Variants in TRIO observed in about 807,000 individuals in gnomAD.
TRIO encodes the protein trio Rho guanine nucleotide exchange factor, also known as triple functional domain protein.
TRIO carries 58 observed loss-of-function variants against 351.9 expected under a neutral mutation model. The observed-to-expected ratio is 0.16, with a 90% CI of 0.13 to 0.21. The LOEUF is 0.21. Ranked by LOEUF, TRIO falls within the 10% of genes least tolerant of loss-of-function variation. TRIO has a pLI of 1.00. For missense variants in TRIO, 3,201 were observed against 4,027.8 expected (o/e 0.79, Z 5.56); for synonymous variants, 1,758 against 1,595.7 (o/e 1.10, Z -2.42).
At chr5:14,150,441 G>T (rs1203946519) in intron 1 of TRIO, among the ~76,000 whole-genome samples, 2 of 151,458 alleles carry the variant, frequency 1.3e-5, no homozygotes, top group Non-Finnish European at 2.9e-5. Context: ...CACACACACC[G>T]TTTAACTGTA....
intron 32 of TRIO, 50 bp from the exon 33 acceptor site, chr5:14,406,523 G>T: frequency 1.3e-6 from 2 of 1,572,768 alleles, no homozygotes; most frequent in South Asian, 2.2e-5. Context: ...CTTCTCCAGT[G>T]ACTGCCAGCT....
At chr5:14,414,850 T>A (rs1478095789) in intron 33 of TRIO, among the ~76,000 whole-genome samples, 6 of 152,208 alleles carry the variant, frequency 3.9e-5, no homozygotes, top group Non-Finnish European at 7.3e-5. Context: ...TTAGAACAGC[T>A]GCTGATCAGC....
chr5:14,225,983 C>A (rs1365527361), intron 1 of TRIO, among the ~76,000 whole-genome samples: 1 of 152,124 alleles, frequency 6.6e-6, no homozygotes, highest in Admixed American at 6.5e-5. Context: ...TGAGTTCCGC[C>A]GTGGCAGGGC....
At chr5:14,199,863 C>T (rs973160096) in intron 1 of TRIO, among the ~76,000 whole-genome samples, 11 of 152,176 alleles carry the variant, frequency 7.2e-5, no homozygotes, top group African/African-American at 2.7e-4. Flanking sequence ...TATTCCAAGA[C>T]AGGGAGTTGG....
intron 1 of TRIO, among the ~76,000 whole-genome samples, chr5:14,215,920 C>T (rs1022682250): frequency 1.3e-5 from 2 of 152,182 alleles, no homozygotes; most frequent in African/African-American, 2.4e-5. Flanking sequence ...ATTAAGAACT[C>T]GTGTTCTGGA....
chr5:14,391,709 T>G (rs1175158953), intron 27 of TRIO, among the ~76,000 whole-genome samples: 1 of 152,256 alleles, frequency 6.6e-6, no homozygotes, highest in Non-Finnish European at 1.5e-5. Flanking sequence ...GTTTGGTGCA[T>G]AAGGTTGTGA....
In TRIO at chr5:14,387,621, T is replaced by A. The variant is rs1443100763; in HGVS notation, c.3754T>A (p.Ser1252Thr). The A allele has an allele frequency of 4.3e-6, 7 of 1,611,380 alleles. No homozygotes were observed. The South Asian group carries it at 7.7e-5, about 18-fold the overall frequency. Residue 1252 changes from serine (S) to threonine (T), a missense_variant, in exon 22 of 57, where the codon TCC becomes ACC. Transcript: ENST00000344204. ...LEKALGISSD[S>T]NKSSKSLQLD... ...AAAAGCCCTGGGGATTTCTTCAGAT[T>A]CCAACAAATCGGTAAATGGCCTTGT...
chr5:14,154,562 G>T (rs988298390), intron 1 of TRIO, among the ~76,000 whole-genome samples: 2 of 152,126 alleles, frequency 1.3e-5, no homozygotes, highest in Non-Finnish European at 2.9e-5. Context: ...GCTGTTCTGT[G>T]TGTGGGTTGC....
In TRIO at chr5:14,425,866, G is replaced by A. The variant is rs80025087; in HGVS notation, c.5203+5845G>A. Among the ~76,000 whole-genome samples the A allele has an allele frequency of 1.0e-2, 1,515 of 152,232 alleles. 27 individuals carry two copies. The highest frequency in any genetic ancestry group is 0.035 in the African/African-American group (1,445 of 41,526). Reference sequence around the variant, plus strand: ...CCTGGATCTCAGACTTCCCAGCCTCGAAAACTGTCAGCAATAAATTTCTGT... The same window carrying A: ...CCTGGATCTCAGACTTCCCAGCCTCAAAAACTGTCAGCAATAAATTTCTGT... On this transcript the variant is annotated intron_variant, in intron 34 of 56. Transcript: ENST00000344204.
intron 36 of TRIO, 132 bp downstream of exon 36, chr5:14,463,057 C>CT: frequency 8.3e-7 from 1 of 1,199,034 alleles, no homozygotes; most frequent in Non-Finnish European, 1.1e-6. Context: ...ATGCAGTGCT[C>CT]TTTCAGGCAG....
intron 37 of TRIO, among the ~76,000 whole-genome samples, chr5:14,467,003 G>C (rs966429341): frequency 1.3e-5 from 2 of 152,146 alleles, no homozygotes; most frequent in African/African-American, 4.8e-5. Flanking sequence ...AACCCTATGA[G>C]GTTGTTATGC....
chr5:14,390,837 TGAAAG>T, intron 26 of TRIO, 59 bp from the exon 27 acceptor site: 1 of 1,395,670 alleles, frequency 7.2e-7, no homozygotes. Context: ...CTTTTCTATA[TGAAAG>T]TTTATCATGC....
intron 48 of TRIO, chr5:14,488,747 T>G: frequency 1.7e-6 from 1 of 585,438 alleles, no homozygotes; most frequent in East Asian, 2.8e-5. Flanking sequence ...TCAAGAAAAC[T>G]TCCAACAGCA....
intron 1 of TRIO, among the ~76,000 whole-genome samples, chr5:14,265,892 A>G (rs961625621): frequency 2.6e-5 from 4 of 152,188 alleles, no homozygotes; most frequent in Admixed American, 2.0e-4. Context: ...AAATCATACT[A>G]TGATTGAAGG....
At chr5:14,210,682 TCAAC>T (rs1354644118) in intron 1 of TRIO, among the ~76,000 whole-genome samples, 2 of 152,244 alleles carry the variant, frequency 1.3e-5, no homozygotes, top group African/African-American at 4.8e-5. Flanking sequence ...AATTTTTATT[TCAAC>T]ATGAATCATA....
chr5:14,366,725 G>T, intron 15 of TRIO, 135 bp from the exon 16 acceptor site: 1 of 1,304,708 alleles, frequency 7.7e-7, no homozygotes. Flanking sequence ...CTGGATTTTA[G>T]GATGATGAAG....
chr5:14,207,329 C>T lies in TRIO; in HGVS notation c.157+63447C>T, dbSNP rs1249192364. Among the ~76,000 whole-genome samples, 83 of 65,594 alleles carry T rather than the reference C, an allele frequency of 1.3e-3. 25 individuals carry two copies. Among genetic ancestry groups the T allele is most frequent in the African/African-American group, 2.8e-3 (45 of 16,048 alleles). The allele number at this position is 65,594 out of a possible 152,430, so 43.0% of individuals were successfully genotyped here. Reference sequence around the variant, plus strand: ...AGCAAGACTGTCTCTCACACACACACACACACACACACACACACACACACA... The same window carrying T: ...AGCAAGACTGTCTCTCACACACACATACACACACACACACACACACACACA... On this transcript the variant is annotated intron_variant, in intron 1 of 56. Coordinates refer to ENST00000344204, the MANE Select transcript of TRIO (RefSeq NM_007118.4).
chr5:14,481,573 G>A lies in TRIO; in HGVS notation c.6420G>A (p.Arg2140=). ...RAVEVMCIVP[R]RCNDMMNVGR... ...TGGAAGTCATGTGCATAGTACCCAG[G>A]CGGTGCAACGACATGATGAACGTGG... The change falls in exon 45 of 57, where the codon AGG becomes AGA. Residue 2140 remains arginine (R), a synonymous_variant. Coordinates refer to ENST00000344204, the MANE Select transcript of TRIO (RefSeq NM_007118.4). 1 of 1,614,056 alleles carries A rather than the reference G, an allele frequency of 6.2e-7. No individual in the cohort carries two copies. Among genetic ancestry groups the A allele is most frequent in the Non-Finnish European group, 8.5e-7 (1 of 1,180,026 alleles).
At chr5:14,348,373 G>C (rs1742632347) in intron 11 of TRIO, among the ~76,000 whole-genome samples, 1 of 152,232 alleles carries the variant, frequency 6.6e-6, no homozygotes, top group South Asian at 2.1e-4. Context: ...TTTCTGGGGA[G>C]TCATGCTTAT....
Sources: gnomAD v4.1 joint callset for allele counts (sites outside exome capture counted in the v4.1 genomes callset) on GRCh38, gnomAD v4.1.1 for gene constraint, MANE v1.5 for transcripts, NCBI Gene and HGNC (gene_info 2026-07-23, HGNC 2026-07-21) for gene names.